BBX: variants seen among roughly 807,000 people sequenced by gnomAD.
BBX encodes HMG box transcription factor BBX.
A neutral mutation model predicts 100.2 loss-of-function variants in BBX; 30 were observed. The ratio of observed to expected loss-of-function variants is 0.30; its 90% CI spans 0.22 to 0.41. The LOEUF (loss-of-function observed/expected upper bound fraction) is 0.41, where lower values mean the gene tolerates loss of function less well. Among genes scored for constraint, BBX ranks in the 10% least tolerant of loss-of-function variants. BBX has a pLI of 1.00. For synonymous variants in BBX, 376 were observed against 388.1 expected (o/e 0.97, Z 0.37); for missense variants, 1,023 against 1,129.8 (o/e 0.91, Z 1.35).
intron 15 of BBX, among the ~76,000 whole-genome samples, chr3:107,796,232 C>T (rs2069649367): frequency 6.6e-6 from 1 of 152,214 alleles, no homozygotes; most frequent in South Asian, 2.1e-4. Flanking sequence ...GTGTAAAAAG[C>T]AAGTCATCTT....
intron 2 of BBX, among the ~76,000 whole-genome samples, chr3:107,577,203 A>G (rs149715631): frequency 6.6e-6 from 1 of 152,224 alleles, no homozygotes; most frequent in African/African-American, 2.4e-5. Flanking sequence ...AGCACATAAA[A>G]TTTGTTGCCA....
At chr3:107,543,503 A>C (rs1413784187) in intron 2 of BBX, among the ~76,000 whole-genome samples, 1 of 152,246 alleles carries the variant, frequency 6.6e-6, no homozygotes, top group Non-Finnish European at 1.5e-5. Flanking sequence ...ATGCATGTCA[A>C]CTTTGAAGTT....
At chr3:107,768,175 G>A (rs1031005150) in intron 10 of BBX, among the ~76,000 whole-genome samples, 5 of 152,044 alleles carry the variant, frequency 3.3e-5, no homozygotes, top group African/African-American at 4.8e-5. Flanking sequence ...TTAAATTCCC[G>A]CTGCTAGTTT....
chr3:107,723,868 CAT>C (rs936474672), intron 5 of BBX, among the ~76,000 whole-genome samples: 50 of 152,244 alleles, frequency 3.3e-4, no homozygotes, highest in African/African-American at 1.1e-3. Context: ...CCGCAATAAA[CAT>C]ATGTGTGCAT....
At chr3:107,682,007 A>C (rs756073210) in intron 3 of BBX, among the ~76,000 whole-genome samples, 6 of 152,160 alleles carry the variant, frequency 3.9e-5, no homozygotes, top group Non-Finnish European at 8.8e-5. Flanking sequence ...ACACACATTC[A>C]ACGTGCTTCA....
At chr3:107,528,155 T>G (rs2047908096) in intron 2 of BBX, among the ~76,000 whole-genome samples, 1 of 152,212 alleles carries the variant, frequency 6.6e-6, no homozygotes. Context: ...CTAAAAAAAG[T>G]CATTTTGACA....
intron 2 of BBX, among the ~76,000 whole-genome samples, chr3:107,543,101 A>G (rs978194704): frequency 6.6e-6 from 1 of 152,228 alleles, no homozygotes; most frequent in Non-Finnish European, 1.5e-5. Context: ...AATGAACATC[A>G]TGTCACAATA....
At chr3:107,721,199 T>C (rs942916112) in intron 5 of BBX, among the ~76,000 whole-genome samples, 2 of 152,102 alleles carry the variant, frequency 1.3e-5, no homozygotes. Context: ...TCAGAACATC[T>C]TTTGACTGTT....
At chr3:107,576,892 C>T (rs2051822242) in intron 2 of BBX, among the ~76,000 whole-genome samples, 1 of 152,062 alleles carries the variant, frequency 6.6e-6, no homozygotes, top group Non-Finnish European at 1.5e-5. Flanking sequence ...GATGGAGTCT[C>T]ACTCTGTCTC....
intron 2 of BBX, among the ~76,000 whole-genome samples, chr3:107,610,552 T>C (rs2054771646): frequency 6.6e-6 from 1 of 152,072 alleles, no homozygotes. Flanking sequence ...TATTTACAAT[T>C]ATTAGATTCT....
intron 2 of BBX, among the ~76,000 whole-genome samples, chr3:107,573,945 A>G (rs1283014391): frequency 6.6e-6 from 1 of 152,084 alleles, no homozygotes. Flanking sequence ...GGCTGCTCTC[A>G]AACTCCTGAT....
chr3:107,741,501 T>C (rs2107590377), intron 7 of BBX, among the ~76,000 whole-genome samples: 1 of 152,274 alleles, frequency 6.6e-6, no homozygotes, highest in African/African-American at 2.4e-5. Flanking sequence ...CCTAGTGGCT[T>C]TATCGATTAT....
intron 6 of BBX, among the ~76,000 whole-genome samples, chr3:107,732,482 G>A (rs2063373685): frequency 6.6e-6 from 1 of 152,032 alleles, no homozygotes; most frequent in East Asian, 1.9e-4. Flanking sequence ...AGATTTTACA[G>A]GCCTGATTTG....
chr3:107,737,638 T>C (rs994701385), intron 7 of BBX, among the ~76,000 whole-genome samples: 1 of 152,160 alleles, frequency 6.6e-6, no homozygotes, highest in Non-Finnish European at 1.5e-5. Context: ...GTGTAAGGCA[T>C]GTCAGGGAAC....
intron 2 of BBX, among the ~76,000 whole-genome samples, chr3:107,615,517 G>T (rs1257832193): frequency 1.3e-5 from 2 of 151,912 alleles, no homozygotes; most frequent in East Asian, 3.9e-4. Context: ...CTTTTATAAG[G>T]GCACTTAATC....
At chr3:107,606,394 C>T (rs1182787742) in intron 2 of BBX, among the ~76,000 whole-genome samples, 1 of 152,188 alleles carries the variant, frequency 6.6e-6, no homozygotes, top group Non-Finnish European at 1.5e-5. Context: ...GTCAATCAGA[C>T]TGGGCTATTC....
chr3:107,665,459 T>C lies in BBX; in HGVS notation c.-10+19550T>C, dbSNP rs2058687554. Among the ~76,000 whole-genome samples the C allele has an allele frequency of 2.0e-5, 3 of 152,142 alleles. No individual in the cohort carries two copies. In the South Asian group the frequency reaches 6.2e-4, roughly 32 times the overall value. On this transcript the variant is annotated intron_variant, in intron 3 of 17. Transcript: ENST00000325805. ...TGAAATGAAAAACGCTTTGTCACTG[T>C]CTGAGCACCACTACCAGAGTCTGAA...
intron 2 of BBX, among the ~76,000 whole-genome samples, chr3:107,643,722 G>A (rs149559168): frequency 2.6e-5 from 4 of 152,236 alleles, no homozygotes; most frequent in East Asian, 1.9e-4. Flanking sequence ...ACTCATTTCC[G>A]TCAAATCAGT....
At chr3:107,538,495 T>G (rs1203797920) in intron 2 of BBX, among the ~76,000 whole-genome samples, 1 of 152,206 alleles carries the variant, frequency 6.6e-6, no homozygotes, top group East Asian at 1.9e-4. Context: ...TAGTATATCC[T>G]TAAGAATTAG....
Sources: gnomAD v4.1 joint callset for allele counts (sites outside exome capture counted in the v4.1 genomes callset) on GRCh38, gnomAD v4.1.1 for gene constraint, MANE v1.5 for transcripts, NCBI Gene and HGNC (gene_info 2026-07-23, HGNC 2026-07-21) for gene names.